SLC13A5: variants seen among roughly 807,000 people sequenced by gnomAD.
SLC13A5 encodes the protein Na(+)/citrate cotransporter.
In SLC13A5, 25 loss-of-function variants were observed where a neutral mutation model predicts 56.5. That is an observed-to-expected ratio of 0.44 (90% CI 0.32 to 0.62). SLC13A5 has a LOEUF of 0.62. Among genes scored for constraint, SLC13A5 ranks in the 20% least tolerant of loss-of-function variants. The probability of loss-of-function intolerance (pLI) is 0.04; values close to 1 mark genes in which losing one functional copy is unlikely to be tolerated. For synonymous variants in SLC13A5, 307 were observed against 301.5 expected (o/e 1.02, Z -0.19); for missense variants, 649 against 737.8 (o/e 0.88, Z 1.39).
chr17:6,694,384 T>G (rs903049204), intron 7 of SLC13A5, among the ~76,000 whole-genome samples, 187 bp from the exon 8 acceptor site: 1 of 152,128 alleles, frequency 6.6e-6, no homozygotes, highest in Non-Finnish European at 1.5e-5. Context: ...TTTGGGAGGC[T>G]GAGGCGGGCG....
rs1414197185 is a variant in SLC13A5 at position 6,711,486 on chromosome 17, G to T, written c.102+1746C>A. On this transcript the variant is annotated intron_variant, in intron 1 of 11. Transcript: ENST00000433363. This position sits in a 1 kb window ranked among gnomAD's most constrained non-coding sequence, Gnocchi z 4.0. ...ACTGAGTTAGGGTTTCCAGTTCAGG[G>T]TGTGTGTGTGTGTGTGTGTGTATGT... is the stretch of plus-strand genomic sequence containing the variant. Among the ~76,000 whole-genome samples, 1 of 30,044 alleles carries T rather than the reference G, an allele frequency of 3.3e-5. No homozygotes were observed. Among genetic ancestry groups the T allele is most frequent in the Non-Finnish European group, 4.9e-5 (1 of 20,316 alleles). 19.7% of individuals were successfully genotyped at this position (30,044 alleles called of 152,430 possible).
chr17:6,691,310 C>T (rs1973400707), intron 9 of SLC13A5, among the ~76,000 whole-genome samples: 1 of 152,224 alleles, frequency 6.6e-6, no homozygotes, highest in African/African-American at 2.4e-5. Flanking sequence ...GCCATCCAGC[C>T]CAGCAGGCTG....
Position 6,703,999 on chromosome 17 carries a change from C to G in SLC13A5, c.426G>C (p.Thr142=), listed in dbSNP as rs72836208. 14 of 1,613,162 alleles carry G rather than the reference C, an allele frequency of 8.7e-6. No homozygotes were observed. The highest frequency in any genetic ancestry group is 2.2e-5 in the South Asian group (2 of 91,034). The change falls in exon 4 of 12, where the codon ACG becomes ACC. Residue 142 remains threonine (T), a synonymous_variant. Coordinates refer to ENST00000433363, the MANE Select transcript of SLC13A5 (RefSeq NM_177550.5). ...TGGGCACCATCATGGCCGTGGTTGC[C>G]GTGTTACTGATCCACATGGACAGGA... The part of the protein sequence containing the change: ...TALLSMWISN[T]ATTAMMVPIV...
chr17:6,686,755 C>T, intron 11 of SLC13A5: 1 of 184,930 alleles, frequency 5.4e-6, no homozygotes. Context: ...GCTCTGCAAG[C>T]TTCCCTCATG....
At chr17:6,693,262 A>G in intron 8 of SLC13A5, 100 bp from the exon 9 acceptor site, 1 of 768,880 alleles carries the variant, frequency 1.3e-6, no homozygotes, top group Non-Finnish European at 2.0e-6. Flanking sequence ...AAGAAATCTA[A>G]TCAAGGGGGA....
chr17:6,687,576 G>A lies in SLC13A5; in HGVS notation c.1528C>T (p.Pro510Ser), dbSNP rs766066474. 6.2e-7 allele frequency: 1 copy of A among 1,613,938 alleles called. No individual in the cohort carries two copies. Among genetic ancestry groups the A allele is most frequent in the South Asian group, 1.1e-5 (1 of 90,968 alleles). ...CCATAGGTGAACACGATGGCATTTG[G>A]AGGGGTGGCCACAGGCAACATGAAG... ...FAFMLPVATP[P>S]NAIVFTYGHL... is the part of the protein sequence containing the mutation. The change falls in exon 11 of 12, where the codon CCA becomes TCA. Residue 510 changes from proline to serine, a missense_variant. Transcript: ENST00000433363. This position sits in a 1 kb window ranked among gnomAD's most constrained non-coding sequence, Gnocchi z 5.0.
At chr17:6,699,478 T>C (rs1323661419) in intron 6 of SLC13A5, among the ~76,000 whole-genome samples, 2 of 152,206 alleles carry the variant, frequency 1.3e-5, no homozygotes, top group Non-Finnish European at 2.9e-5. Flanking sequence ...AGCAACTTTT[T>C]TTTTTGTTTT....
chr17:6,687,346 GATC>G lies in SLC13A5; in HGVS notation c.1575+180_1575+182del, dbSNP rs1973275456. The G allele has an allele frequency of 1.3e-6, 1 of 785,874 alleles. No individual in the cohort carries two copies. 48.7% of individuals were successfully genotyped at this position (785,874 alleles called of 1,614,324 possible). ...AGAAAGAACAGTGTGTGAGGCTTGA[GATC>G]ATCTCAGAAAAAGAAGAAAAGCTGC... On this transcript the variant is annotated intron_variant, in intron 11 of 11. Coordinates refer to ENST00000433363, the MANE Select transcript of SLC13A5 (RefSeq NM_177550.5). This position sits in a 1 kb window ranked among gnomAD's most constrained non-coding sequence, Gnocchi z 5.0.
chr17:6,689,950 A>G (rs1973351284), intron 10 of SLC13A5: 1 of 151,068 alleles, frequency 6.6e-6, no homozygotes, highest in African/African-American at 2.4e-5. Context: ...CTGAAGGGCC[A>G]TGTTCAGAGA....
intron 6 of SLC13A5, among the ~76,000 whole-genome samples, chr17:6,699,060 T>TAAAC (rs1396798201): frequency 1.6e-5 from 2 of 127,812 alleles, no homozygotes; most frequent in Non-Finnish European, 3.4e-5. Flanking sequence ...AATAAATAAA[T>TAAAC]AAATAAATAA....
intron 11 of SLC13A5, 129 bp from the exon 12 acceptor site, chr17:6,686,467 C>T (rs1287082576): frequency 6.6e-6 from 8 of 1,213,296 alleles, no homozygotes; most frequent in Non-Finnish European, 9.3e-6. Flanking sequence ...TGGGGTGTCC[C>T]GACCCCCAGG....
chr17:6,695,566 T>C (rs1973537416), intron 7 of SLC13A5, 160 bp downstream of exon 7: 1 of 655,582 alleles, frequency 1.5e-6, no homozygotes, highest in South Asian at 1.8e-5. Context: ...ATTTTCTGTA[T>C]TTTTAGTAGA....
At position 6,713,157 on chromosome 17, in the gene SLC13A5, G is replaced by T. The variant is rs1279344146; in HGVS notation, c.102+75C>A. On this transcript the variant is annotated intron_variant, in intron 1 of 11. Coordinates refer to ENST00000433363, the MANE Select transcript of SLC13A5 (RefSeq NM_177550.5). This position sits in a 1 kb window ranked among gnomAD's most constrained non-coding sequence, Gnocchi z 7.3. ...GCGAAATCCGTGCGCTCCAGCTCAGGGCTCCCGGGATCGGTGCCCGTTAGT... is the reference window on the plus strand; with the variant it reads ...GCGAAATCCGTGCGCTCCAGCTCAGTGCTCCCGGGATCGGTGCCCGTTAGT... The T allele has an allele frequency of 1.1e-5, 16 of 1,469,970 alleles. No homozygotes were observed. The African/African-American group carries it at 1.1e-4, about 10-fold the overall frequency. The allele number at this position is 1,469,970 out of a possible 1,614,324, so 91.1% of individuals were successfully genotyped here. A position where few individuals can be genotyped will look rare whatever the true frequency, so the allele number is the denominator to read the frequency against.
In SLC13A5 at chr17:6,709,533, G is replaced by A. The variant is rs527603050; in HGVS notation, c.103-2377C>T. On this transcript the variant is annotated intron_variant, in intron 1 of 11. Coordinates refer to ENST00000433363, the MANE Select transcript of SLC13A5 (RefSeq NM_177550.5). The stretch of plus-strand genomic sequence containing the variant: ...TCCACCTGTCTCGGCCTCCCAAAGT[G>A]CTGGGATTACAGGCATGAGCCACTG... Among the ~76,000 whole-genome samples the A allele has an allele frequency of 1.6e-3, 247 of 152,260 alleles. 3 individuals are homozygous for A. Among genetic ancestry groups the A allele is most frequent in the Non-Finnish European group, 5.1e-4 (35 of 68,012 alleles).
At chr17:6,707,275 C>T in intron 1 of SLC13A5, 119 bp from the exon 2 acceptor site, 2 of 1,319,804 alleles carry the variant, frequency 1.5e-6, no homozygotes, top group Non-Finnish European at 2.1e-6. Context: ...AGAGGGATTC[C>T]CCTCAAAGTC....
chr17:6,710,975 A>G (rs374333034), intron 1 of SLC13A5, among the ~76,000 whole-genome samples: 254 of 152,228 alleles, frequency 1.7e-3, no homozygotes, highest in African/African-American at 5.7e-3. Flanking sequence ...TTTTCAATTA[A>G]AAAAAGACCC....
At position 6,687,150 on chromosome 17, in the gene SLC13A5, T is replaced by G. The variant is rs1318503413; in HGVS notation, c.1575+379A>C. On this transcript the variant is annotated intron_variant, in intron 11 of 11. Coordinates refer to ENST00000433363, the MANE Select transcript of SLC13A5 (RefSeq NM_177550.5). The surrounding 1 kb of genome is among the most constrained non-coding windows in gnomAD (Gnocchi z 5.0). ...CCCTACAAATCTCTGTGACTGTCATTAGCATCCCCCTGCTGCCTAAGCCTG... is the reference window on the plus strand; with the variant it reads ...CCCTACAAATCTCTGTGACTGTCATGAGCATCCCCCTGCTGCCTAAGCCTG... The G allele has an allele frequency of 4.3e-6, 1 of 233,588 alleles. No individual in the cohort carries two copies. Among genetic ancestry groups the G allele is most frequent in the Non-Finnish European group, 8.3e-6 (1 of 119,988 alleles). 14.5% of individuals were successfully genotyped at this position (233,588 alleles called of 1,614,324 possible).
rs1423476132 is a variant in SLC13A5, at chr17:6,693,156, T to C, written c.1163A>G (p.Lys388Arg). 2.1e-5 allele frequency: 33 copies of C among 1,601,222 alleles called. No homozygotes were observed. The highest frequency in any genetic ancestry group is 3.4e-5 in the Admixed American group (2 of 58,770). The change falls in exon 9 of 12, where the codon AAA becomes AGA. Residue 388 changes from lysine (K) to arginine (R), a missense_variant. Transcript: ENST00000433363. The part of the protein sequence containing the change: ...NFRSQTEEER[K>R]TPFYPPPLLD... ...CAGGGGAGGGGGATAAAATGGAGTTTTCCTTTCTGGGAAGAAAAAGAAACA... is the reference window on the plus strand; with the variant it reads ...CAGGGGAGGGGGATAAAATGGAGTTCTCCTTTCTGGGAAGAAAAAGAAACA...
Position 6,706,792 on chromosome 17 carries a change from C to T in SLC13A5, c.232-14G>A, listed in dbSNP as rs551601158. On this transcript the variant is annotated splice_polypyrimidine_tract_variant and intron_variant, in intron 2 of 11. Transcript: ENST00000433363. Reference sequence around the variant, plus strand: ...CTGGACACACACCTGGAGCGTGGCACGAAGGCCTCATCAGGACTGTCCCTT... The same window carrying T: ...CTGGACACACACCTGGAGCGTGGCATGAAGGCCTCATCAGGACTGTCCCTT... 297 of 1,613,718 alleles carry T rather than the reference C, an allele frequency of 1.8e-4. 4 individuals are homozygous for T. In the South Asian group the frequency reaches 2.8e-3, roughly 15 times the overall value.
Sources: allele counts gnomAD v4.1 joint callset (sites outside exome capture counted in the v4.1 genomes callset), GRCh38; gene constraint gnomAD v4.1.1; non-coding constraint Gnocchi (gnomAD v3.1); transcripts MANE v1.5; gene names NCBI Gene and HGNC (gene_info 2026-07-23, HGNC 2026-07-21).